NRCAM: variants seen among roughly 807,000 people sequenced by gnomAD.
NRCAM encodes the protein NgCAM-related cell adhesion molecule.
Under a neutral mutation model 156.5 loss-of-function variants are expected in NRCAM, and 83 were observed. That is an observed-to-expected ratio of 0.53 (90% CI 0.44 to 0.64). NRCAM has a LOEUF of 0.64. Ranked by LOEUF, NRCAM falls within the 30% of genes least tolerant of loss-of-function variation. The pLI is 0.00. For missense variants in NRCAM, 1,417 were observed against 1,597.3 expected (o/e 0.89, Z 1.92); for synonymous variants, 538 against 563.9 (o/e 0.95, Z 0.65).
At chr7:108,351,752 C>A (rs1594741893) in intron 2 of NRCAM, among the ~76,000 whole-genome samples, 1 of 96,990 alleles carries the variant, frequency 1.0e-5, no homozygotes, top group African/African-American at 3.9e-5. Flanking sequence ...TAGAGCAGGT[C>A]ATATTGACCA....
intron 3 of NRCAM, among the ~76,000 whole-genome samples, chr7:108,265,141 C>T (rs1461331584): frequency 6.6e-6 from 1 of 152,186 alleles, no homozygotes; most frequent in Non-Finnish European, 1.5e-5. Context: ...GACAGAATCA[C>T]ATTTAGAAAG....
intron 11 of NRCAM, among the ~76,000 whole-genome samples, chr7:108,211,839 G>A (rs1283660152): frequency 6.6e-6 from 1 of 152,016 alleles, no homozygotes; most frequent in African/African-American, 2.4e-5. Flanking sequence ...TGAAGACAAA[G>A]GGCATATAAT....
chr7:108,300,934 A>G (rs975133703), intron 3 of NRCAM, among the ~76,000 whole-genome samples: 19 of 152,168 alleles, frequency 1.2e-4, no homozygotes, highest in African/African-American at 4.3e-4. Flanking sequence ...TATTCAGGAA[A>G]TAGAATTACA....
chr7:108,258,049 A>G (rs1294466539), intron 3 of NRCAM, among the ~76,000 whole-genome samples: 1 of 152,230 alleles, frequency 6.6e-6, no homozygotes, highest in African/African-American at 2.4e-5. Context: ...AAAAGAAAGC[A>G]AGCTCAGACT....
intron 25 of NRCAM, 174 bp from the exon 26 acceptor site, chr7:108,178,286 C>G: frequency 1.7e-6 from 1 of 578,726 alleles, no homozygotes; most frequent in Non-Finnish European, 3.0e-6. Flanking sequence ...TAGTTATTCT[C>G]TTCCTTTTTC....
intron 2 of NRCAM, among the ~76,000 whole-genome samples, chr7:108,346,030 G>A (rs908243187): frequency 6.6e-6 from 1 of 152,140 alleles, no homozygotes; most frequent in African/African-American, 2.4e-5. Flanking sequence ...AGGTTTCTTC[G>A]ATGGCTGTGT....
At position 108,315,580 on chromosome 7, in the gene NRCAM, C is replaced by T. The variant is rs113554888; in HGVS notation, c.-173-2849G>A. Among the ~76,000 whole-genome samples, 99 of 152,322 alleles carry T rather than the reference C, an allele frequency of 6.5e-4. 1 individual carries two copies. The highest frequency in any genetic ancestry group is 2.4e-3 in the African/African-American group (98 of 41,572). Reference sequence around the variant, plus strand: ...ATCAGATGGCACCCAGAGGGCCCTCCCTCTACCACAACCTAGCTGGCTGGG... The same window carrying T: ...ATCAGATGGCACCCAGAGGGCCCTCTCTCTACCACAACCTAGCTGGCTGGG... On this transcript the variant is annotated intron_variant, in intron 2 of 32. Transcript: ENST00000379028.
In NRCAM at chr7:108,182,795, G is replaced by A. The variant is rs542936520; in HGVS notation, c.2430C>T (p.Gly810=). 1 of 1,614,242 alleles carries A rather than the reference G, an allele frequency of 6.2e-7. No individual in the cohort carries two copies. Among genetic ancestry groups the A allele is most frequent in the African/African-American group, 1.3e-5 (1 of 75,066 alleles). The change falls in exon 23 of 33, where the codon GGC becomes GGT. Residue 810 remains glycine, a synonymous_variant. Transcript: ENST00000379028. ...TCAGGTATGGAACAAAGGTTGGCGT[G>A]CCTGAGACAATATATTTGGATACAT... ...VANVSKYIVS[G]TPTFVPYLIK... is the part of the protein sequence containing the mutation.
rs546249424 is a variant in NRCAM, at chr7:108,366,802, T to C, written c.-174+32634A>G. On this transcript the variant is annotated intron_variant, in intron 2 of 32. Coordinates refer to ENST00000379028, the MANE Select transcript of NRCAM (RefSeq NM_001037132.4). Reference sequence around the variant, plus strand: ...GAATTCAATGCCAGATATATCTGAGTCCAACTCATTTGACTACACCATACT... The same window carrying C: ...GAATTCAATGCCAGATATATCTGAGCCCAACTCATTTGACTACACCATACT... Among the ~76,000 whole-genome samples, 204 of 152,308 alleles carry C rather than the reference T, an allele frequency of 1.3e-3. No homozygotes were observed. In the Middle Eastern group the frequency reaches 0.02, roughly 15 times the overall value.
In NRCAM at chr7:108,375,332, A is replaced by G. The variant is rs1378331059; in HGVS notation, c.-174+24104T>C. Among the ~76,000 whole-genome samples, 4 of 146,030 alleles carry G rather than the reference A, an allele frequency of 2.7e-5. No individual in the cohort carries two copies. The Admixed American group carries it at 2.8e-4, about 10-fold the overall frequency. ...CCACTCTCTCCCCCAAAAATAATTA[A>G]TAATGATTTTTAAAGCCCTTCAAGG... On this transcript the variant is annotated intron_variant, in intron 2 of 32. Coordinates refer to ENST00000379028, the MANE Select transcript of NRCAM (RefSeq NM_001037132.4).
chr7:108,401,622 G>A (rs1320948402), intron 1 of NRCAM, among the ~76,000 whole-genome samples: 1 of 152,186 alleles, frequency 6.6e-6, no homozygotes, highest in Non-Finnish European at 1.5e-5. Flanking sequence ...GTGCCAAGAA[G>A]TGCTTTCGTT....
chr7:108,299,105 C>CAAAAAAAAAAA lies in NRCAM; in HGVS notation c.-107+13549_-107+13559dup, dbSNP rs1292917918. 1.9e-3 allele frequency among the ~76,000 whole-genome samples: 32 copies of CAAAAAAAAAAA among 16,946 alleles called. 2 individuals are homozygous for CAAAAAAAAAAA. The highest frequency in any genetic ancestry group is 0.012 in the East Asian group (2 of 168). The allele number at this position is 16,946 out of a possible 152,430, so 11.1% of individuals were successfully genotyped here. ...TGGGCCACAGAGCAAGACTCCATCT[C>CAAAAAAAAAAA]AAAAAAAAAAAAGAAAGAAAGAAAG... On this transcript the variant is annotated intron_variant, in intron 3 of 32. Transcript: ENST00000379028.
At chr7:108,211,555 A>T (rs1036965085) in intron 11 of NRCAM, among the ~76,000 whole-genome samples, 1 of 152,200 alleles carries the variant, frequency 6.6e-6, no homozygotes, top group Admixed American at 6.5e-5. Context: ...GCACTGTGGG[A>T]GTGAGACTGG....
chr7:108,202,649 A>G (rs1003566756), intron 13 of NRCAM, among the ~76,000 whole-genome samples: 2 of 152,174 alleles, frequency 1.3e-5, no homozygotes, highest in Non-Finnish European at 2.9e-5. Context: ...GTTTTGTGAA[A>G]AGGAAGAAGG....
chr7:108,300,244 G>C (rs982808490), intron 3 of NRCAM, among the ~76,000 whole-genome samples: 5 of 139,618 alleles, frequency 3.6e-5, no homozygotes, highest in African/African-American at 1.4e-4. Flanking sequence ...ACACTGCTTA[G>C]GGCATATTTG....
At chr7:108,159,577 T>TAATAATTA (rs1312978200) in intron 31 of NRCAM, 36 bp from the exon 32 acceptor site, 2 of 1,495,860 alleles carry the variant, frequency 1.3e-6, no homozygotes, top group Non-Finnish European at 1.9e-6. Context: ...TATCTGTTGA[T>TAATAATTA]CCTGTTCTTT....
At chr7:108,409,408 A>T (rs1434951287) in intron 1 of NRCAM, among the ~76,000 whole-genome samples, 1 of 152,202 alleles carries the variant, frequency 6.6e-6, no homozygotes, top group Non-Finnish European at 1.5e-5. Context: ...TTATACTAAA[A>T]TCTAAAGCTT....
At chr7:108,251,086 G>A (rs970087141) in intron 3 of NRCAM, among the ~76,000 whole-genome samples, 2 of 152,084 alleles carry the variant, frequency 1.3e-5, no homozygotes, top group Admixed American at 1.3e-4. Context: ...TAGAATGACT[G>A]CCTCTCTGTG....
chr7:108,454,271 T>A (rs2154504144), intron 1 of NRCAM, among the ~76,000 whole-genome samples: 1 of 152,346 alleles, frequency 6.6e-6, no homozygotes, highest in Non-Finnish European at 1.5e-5. Flanking sequence ...GGGCTTGTAA[T>A]GTATCTCCCT....
Sources: allele counts gnomAD v4.1 joint callset (sites outside exome capture counted in the v4.1 genomes callset), GRCh38; gene constraint gnomAD v4.1.1; transcripts MANE v1.5; gene names NCBI Gene and HGNC (gene_info 2026-07-23, HGNC 2026-07-21).